LRRIQ1: variants seen among roughly 807,000 people sequenced by gnomAD.
The protein encoded by LRRIQ1 is leucine-rich repeat- and IQ domain-containing protein 1.
In LRRIQ1, 210 loss-of-function variants were observed where a neutral mutation model predicts 211.9. The ratio of observed to expected loss-of-function variants is 0.99; its 90% confidence interval spans 0.89 to 1.11. The LOEUF (loss-of-function observed/expected upper bound fraction) is 1.11. LRRIQ1 is among the 50% of genes most tolerant of loss of function. The pLI is 0.00. For synonymous variants in LRRIQ1, 699 were observed against 650.1 expected, an observed-to-expected ratio of 1.08 and a Z score of -1.14; for missense variants, 2,136 against 1,939.5, an observed-to-expected ratio of 1.10 and a Z score of -1.90.
At chr12:85,129,877 C>T (rs1888632374) in intron 18 of LRRIQ1, among the ~76,000 whole-genome samples, 1 of 152,156 alleles carries the variant, frequency 6.6e-6, no homozygotes, top group Non-Finnish European at 1.5e-5. Context: ...AATCAGTTAG[C>T]ATCCTATTAC....
intron 22 of LRRIQ1, 117 bp downstream of exon 22, chr12:85,153,875 C>G (rs1890389321): frequency 1.1e-6 from 1 of 930,158 alleles, no homozygotes; most frequent in African/African-American, 1.7e-5. Context: ...AATTGTCCAT[C>G]CAATTTAGTT....
chr12:85,163,332 G>T (rs149710415), intron 24 of LRRIQ1, among the ~76,000 whole-genome samples: 4 of 144,744 alleles, frequency 2.8e-5, no homozygotes, highest in African/African-American at 1.1e-4. Context: ...TAAAATTAGT[G>T]GTTGGGCATC....
At chr12:85,256,537 CTAAGAACTAA>C (rs1896099866) in intron 1 of LRRIQ1, among the ~76,000 whole-genome samples, 1 of 151,446 alleles carries the variant, frequency 6.6e-6, no homozygotes, top group South Asian at 2.1e-4. Flanking sequence ...TGTCTCCCTG[CTAAGAACTAA>C]TAAGTATGAA....
chr12:85,207,648 A>G (rs1031899443), intron 24 of LRRIQ1, among the ~76,000 whole-genome samples: 1 of 152,130 alleles, frequency 6.6e-6, no homozygotes. Context: ...GTAGTTTTAT[A>G]GTTTTGTGTT....
chr12:85,200,902 C>G (rs1893256716), intron 24 of LRRIQ1, among the ~76,000 whole-genome samples: 1 of 152,062 alleles, frequency 6.6e-6, no homozygotes, highest in Non-Finnish European at 1.5e-5. Flanking sequence ...TCACTGCAAC[C>G]TTCACCTCCT....
chr12:85,105,880 T>A (rs1172233478), intron 14 of LRRIQ1, among the ~76,000 whole-genome samples: 1 of 145,616 alleles, frequency 6.9e-6, no homozygotes, highest in East Asian at 2.1e-4. Flanking sequence ...CATTGCAACC[T>A]CCATCTCCCG....
chr12:85,098,253 G>C (rs563689341), intron 11 of LRRIQ1, 102 bp from the exon 12 acceptor site: 75 of 693,598 alleles, frequency 1.1e-4, no homozygotes, highest in Non-Finnish European at 1.6e-4. Context: ...TAATGATAGT[G>C]AGAAATACAA....
intron 23 of LRRIQ1, among the ~76,000 whole-genome samples, chr12:85,157,633 T>G (rs1040605793): frequency 6.6e-6 from 1 of 151,918 alleles, no homozygotes; most frequent in African/African-American, 2.4e-5. Flanking sequence ...GTTACTGGTT[T>G]ATTGAAAACA....
At chr12:85,249,120 C>G (rs909448750), downstream of LRRIQ1, among the ~76,000 whole-genome samples, 1 of 151,542 alleles carries the variant, frequency 6.6e-6, no homozygotes, top group Admixed American at 6.6e-5. Flanking sequence ...TTTTATAGCT[C>G]TTATGAAAAA....
At chr12:85,038,102 G>T in intron 1 of LRRIQ1, 51 bp from the exon 2 acceptor site, 1 of 1,223,578 alleles carries the variant, frequency 8.2e-7, no homozygotes, top group Middle Eastern at 2.1e-4. Context: ...TGACAAATTA[G>T]AGAACACATA....
At chr12:85,110,057 T>G (rs1887063732) in intron 15 of LRRIQ1, among the ~76,000 whole-genome samples, 1 of 152,134 alleles carries the variant, frequency 6.6e-6, no homozygotes, top group Admixed American at 6.6e-5. Flanking sequence ...ATAATACGCA[T>G]AATTTATTTA....
At chr12:85,143,738 A>G (rs1256014143) in intron 19 of LRRIQ1, among the ~76,000 whole-genome samples, 1 of 151,440 alleles carries the variant, frequency 6.6e-6, no homozygotes, top group Non-Finnish European at 1.5e-5. Flanking sequence ...GAAATTTTCT[A>G]TCATGTCCAC....
At position 85,055,911 on chromosome 12, in the gene LRRIQ1, A is replaced by G; in HGVS notation, c.1118A>G (p.Gln373Arg). ...EYEEKKNIVK[Q>R]EREQLISKEK... ...GAAGAAAAAAAGAATATTGTGAAAC[A>G]GGAAAGAGAGCAACTAATAAGCAAG... is the stretch of plus-strand genomic sequence containing the variant. Residue 373 changes from glutamine (Q) to arginine (R), a missense_variant, in exon 8 of 27, where the codon CAG (glutamine) becomes CGG (arginine). By Grantham distance (43) the Gln-to-Arg change is conservative. Transcript: ENST00000393217. 1 of 1,599,828 alleles carries G rather than the reference A, an allele frequency of 6.3e-7. No individual in the cohort carries two copies. Among genetic ancestry groups the G allele is most frequent in the Non-Finnish European group, 8.5e-7 (1 of 1,176,018 alleles).
intron 14 of LRRIQ1, 102 bp downstream of exon 14, chr12:85,104,179 A>G (rs1886607559): frequency 4.0e-6 from 2 of 497,372 alleles, no homozygotes; most frequent in East Asian, 3.8e-5. Flanking sequence ...TGGCATTTAC[A>G]TATAATAAAC....
In LRRIQ1 at chr12:85,160,654, A is replaced by C. The variant is rs764859341; in HGVS notation, c.4762A>C (p.Lys1588Gln). Residue 1588 changes from lysine to glutamine, a missense_variant, in exon 24 of 27, where the codon AAA becomes CAA. Coordinates refer to ENST00000393217, the MANE Select transcript of LRRIQ1 (RefSeq NM_001079910.2). ...AGCCTTATTCAAAAACAATGAAAATAAAGTGTCTCTTCCAAAATCACCAAA... is the reference window on the plus strand; with the variant it reads ...AGCCTTATTCAAAAACAATGAAAATCAAGTGTCTCTTCCAAAATCACCAAA... ...RLALFKNNEN[K>Q]VSLPKSPKMV... is the part of the protein sequence containing the mutation. The C allele has an allele frequency of 5.0e-6, 8 of 1,610,896 alleles. No individual in the cohort carries two copies. The Admixed American group carries it at 1.0e-4, about 20-fold the overall frequency.
chr12:85,044,823 A>G lies in LRRIQ1; in HGVS notation c.336+14A>G, dbSNP rs200152709. 7.6e-5 allele frequency: 93 copies of G among 1,217,920 alleles called. No homozygotes were observed. Among genetic ancestry groups the G allele is most frequent in the Non-Finnish European group, 1.1e-4 (91 of 849,004 alleles). 75.4% of individuals were successfully genotyped at this position (1,217,920 alleles called of 1,614,324 possible). A position where few individuals can be genotyped will look rare whatever the true frequency, so the allele number is the denominator to read the frequency against. On this transcript the variant is annotated intron_variant, in intron 4 of 26. Coordinates refer to ENST00000393217, the MANE Select transcript of LRRIQ1 (RefSeq NM_001079910.2). Reference sequence around the variant, plus strand: ...CAATTAATTAAGGTATATATTCAATATTTGACTTAAAATATTCACTATTAC... The same window carrying G: ...CAATTAATTAAGGTATATATTCAATGTTTGACTTAAAATATTCACTATTAC...
At chr12:85,037,250 G>A (rs537545506) in intron 1 of LRRIQ1, among the ~76,000 whole-genome samples, 2 of 152,000 alleles carry the variant, frequency 1.3e-5, no homozygotes, top group Non-Finnish European at 2.9e-5. Context: ...TTGGACAGGG[G>A]TGATCTAATG....
intron 24 of LRRIQ1, among the ~76,000 whole-genome samples, chr12:85,194,427 A>G (rs1260791109): frequency 2.0e-5 from 3 of 147,570 alleles, no homozygotes; most frequent in Non-Finnish European, 3.0e-5. Context: ...TTGGAAGTAA[A>G]GCTCTCCTCA....
At chr12:85,201,243 CTT>C (rs752459984) in intron 24 of LRRIQ1, among the ~76,000 whole-genome samples, 48 of 110,350 alleles carry the variant, frequency 4.3e-4, no homozygotes, top group African/African-American at 1.3e-3. Context: ...TCTTTCTCTT[CTT>C]TTTTTTTTTT....
Sources: allele counts gnomAD v4.1 joint callset (sites outside exome capture counted in the v4.1 genomes callset), GRCh38; gene constraint gnomAD v4.1.1; transcripts MANE v1.5; gene names NCBI Gene and HGNC (gene_info 2026-07-23, HGNC 2026-07-21).